Variants in GLMN observed in about 807,000 individuals in gnomAD.
GLMN encodes the protein glomulin.
A neutral mutation model predicts 87.8 loss-of-function variants in GLMN; 75 were observed. That is an observed-to-expected ratio of 0.85 (90% CI 0.71 to 1.04). GLMN has a LOEUF of 1.04. GLMN is among the 50% of genes least tolerant of loss of function. The pLI, the probability that GLMN is intolerant of heterozygous loss-of-function variation, is 0.00. For synonymous variants in GLMN, 206 were observed against 221.6 expected (o/e 0.93, Z 0.63); for missense variants, 588 against 658.8 (o/e 0.89, Z 1.18).
chr1:92,266,213 A>G (rs1035375774), intron 13 of GLMN, among the ~76,000 whole-genome samples: 2 of 152,204 alleles, frequency 1.3e-5, no homozygotes, highest in Non-Finnish European at 2.9e-5. Flanking sequence ...TATTAGTCAT[A>G]CAAAATATAG....
chr1:92,304,332 G>A, the GLMN span: 1 of 1,521,280 alleles, frequency 6.6e-7, no homozygotes, highest in Middle Eastern at 1.7e-4. Context: ...TAAAGTCTAT[G>A]ATATTACTGA....
At chr1:92,265,641 C>T (rs977790061) in intron 13 of GLMN, among the ~76,000 whole-genome samples, 1 of 152,056 alleles carries the variant, frequency 6.6e-6, no homozygotes, top group Non-Finnish European at 1.5e-5. Context: ...TGATGGCATG[C>T]ACCTGTAGTC....
At chr1:92,312,400 C>G in the GLMN span, among the ~76,000 whole-genome samples, 4 of 138,058 alleles carry the variant, frequency 2.9e-5, no homozygotes, top group Non-Finnish European at 6.2e-5. Context: ...GCCTTGGCAA[C>G]AGAGCAAGAC....
chr1:92,274,601 TTTA>T (rs764826009), intron 7 of GLMN, among the ~76,000 whole-genome samples: 10 of 152,282 alleles, frequency 6.6e-5, no homozygotes, highest in African/African-American at 1.2e-4. Flanking sequence ...CTCATGGTCC[TTTA>T]TTATTATTAA....
At chr1:92,363,192 C>T in the GLMN span, among the ~76,000 whole-genome samples, 1 of 152,060 alleles carries the variant, frequency 6.6e-6, no homozygotes, top group Non-Finnish European at 1.5e-5. Context: ...TTTGAGGAAC[C>T]TGATGATAAG....
chr1:92,250,092 T>A (rs952230764), intron 16 of GLMN, among the ~76,000 whole-genome samples: 2 of 151,996 alleles, frequency 1.3e-5, no homozygotes, highest in African/African-American at 4.8e-5. Flanking sequence ...TACTGATGAC[T>A]CTCTGTTACC....
At chr1:92,358,445 T>G in the GLMN span, among the ~76,000 whole-genome samples, 1 of 152,194 alleles carries the variant, frequency 6.6e-6, no homozygotes, top group Admixed American at 6.5e-5. Flanking sequence ...AGATAAAATA[T>G]CTCTATACAT....
upstream of GLMN, chr1:92,301,607 CAAAT>C: frequency 9.3e-7 from 1 of 1,076,886 alleles, no homozygotes; most frequent in Non-Finnish European, 1.3e-6. Flanking sequence ...GTTAAGTTGA[CAAAT>C]TATTAGTTTT....
the GLMN span, chr1:92,320,742 G>T: frequency 2.2e-5 from 17 of 757,202 alleles, no homozygotes; most frequent in Middle Eastern, 5.4e-4. Flanking sequence ...GATGCATTAT[G>T]TAAGTGTCCC....
chr1:92,264,945 G>A (rs1299248910), intron 13 of GLMN, among the ~76,000 whole-genome samples: 7 of 152,126 alleles, frequency 4.6e-5, no homozygotes, highest in Non-Finnish European at 5.9e-5. Context: ...GGGTTCAAGC[G>A]ATTCTCCTGC....
intron 7 of GLMN, among the ~76,000 whole-genome samples, chr1:92,272,548 C>T (rs114829346): frequency 7.2e-5 from 11 of 152,128 alleles, no homozygotes; most frequent in Admixed American, 2.0e-4. Flanking sequence ...CAATCTGAAA[C>T]GTGAGACATA....
the GLMN span, among the ~76,000 whole-genome samples, chr1:92,361,088 A>G: frequency 7.7e-6 from 1 of 129,958 alleles, no homozygotes; most frequent in Non-Finnish European, 1.6e-5. Flanking sequence ...ATATATATAT[A>G]TATAATATAT....
intron 17 of GLMN, 151 bp from the exon 18 acceptor site, chr1:92,247,295 A>G (rs914296832): frequency 1.6e-6 from 1 of 634,530 alleles, no homozygotes; most frequent in Non-Finnish European, 2.8e-6. Flanking sequence ...TACTTAAGCT[A>G]TAAGCAAACA....
At chr1:92,254,672 T>C (rs995957442) in intron 16 of GLMN, among the ~76,000 whole-genome samples, 3 of 152,098 alleles carry the variant, frequency 2.0e-5, no homozygotes, top group African/African-American at 7.2e-5. Flanking sequence ...GCTTCATAAG[T>C]GAAGGAGAAA....
the GLMN span, among the ~76,000 whole-genome samples, chr1:92,336,901 T>C: frequency 6.6e-6 from 1 of 152,062 alleles, no homozygotes; most frequent in Non-Finnish European, 1.5e-5. Context: ...CTTAAAGTGC[T>C]AAGAACTATA....
Position 92,247,063 on chromosome 1 carries a change from T to C in GLMN, c.1667A>G (p.Lys556Arg), listed in dbSNP as rs1003387970. The C allele has an allele frequency of 6.8e-7, 1 of 1,479,184 alleles. No individual in the cohort carries two copies. Among genetic ancestry groups the C allele is most frequent in the Non-Finnish European group, 9.4e-7 (1 of 1,058,582 alleles). The allele number at this position is 1,479,184 out of a possible 1,614,324, so 91.6% of individuals were successfully genotyped here. A position where few individuals can be genotyped will look rare whatever the true frequency, so the allele number is the denominator to read the frequency against. The change falls in exon 18 of 19, where the codon AAG (lysine) becomes AGG (arginine). Residue 556 changes from lysine (K) to arginine (R), a missense_variant and splice_region_variant. Physicochemically the swap from Lys to Arg is conservative, Grantham distance 26. Coordinates refer to ENST00000370360, the MANE Select transcript of GLMN (RefSeq NM_053274.3). The part of the protein sequence containing the change: ...IPNMPPEMQL[K>R]VLHSALFTFD... ...AAAGAAAAGAAAATTTCAGATCACC[T>C]TAAGCTGCATTTCAGGAGGCATATT...
chr1:92,315,199 T>G, the GLMN span, among the ~76,000 whole-genome samples: 1 of 152,128 alleles, frequency 6.6e-6, no homozygotes, highest in East Asian at 1.9e-4. Flanking sequence ...ATTTCAATAT[T>G]GTTGTGTCTC....
chr1:92,317,907 C>T, the GLMN span, among the ~76,000 whole-genome samples: 2 of 152,178 alleles, frequency 1.3e-5, no homozygotes, highest in African/African-American at 4.8e-5. Flanking sequence ...TTGAGCTACA[C>T]TTGGACCTCA....
chr1:92,258,542 G>T (rs112703273), intron 16 of GLMN, among the ~76,000 whole-genome samples: 7,343 of 152,224 alleles, frequency 0.048, 608 homozygotes, highest in African/African-American at 0.17. Flanking sequence ...AGAAAATGTG[G>T]CACATATATA....
Sources: allele counts gnomAD v4.1 joint callset (sites outside exome capture counted in the v4.1 genomes callset), GRCh38; gene constraint gnomAD v4.1.1; transcripts MANE v1.5; gene names NCBI Gene and HGNC (gene_info 2026-07-23, HGNC 2026-07-21).